Variants in CWC27 observed in about 807,000 individuals in gnomAD.
The protein encoded by CWC27 is spliceosome-associated protein CWC27 homolog.
A neutral mutation model predicts 63.6 loss-of-function variants in CWC27; 47 were observed. That is an observed-to-expected ratio of 0.74 (90% confidence interval 0.58 to 0.94). The LOEUF is 0.94. CWC27 is among the 40% of genes least tolerant of loss of function. The pLI, the probability that CWC27 is intolerant of heterozygous loss-of-function variation, is 0.00. For synonymous variants in CWC27, 175 were observed against 179.8 expected (o/e 0.97, Z 0.22); for missense variants, 495 against 554.3 (o/e 0.89, Z 1.07).
intron 11 of CWC27, among the ~76,000 whole-genome samples, chr5:64,930,569 G>A (rs780653066): frequency 1.4e-4 from 21 of 152,088 alleles, no homozygotes; most frequent in African/African-American, 7.2e-5. Context: ...GAAGAGAGTG[G>A]TGGAATTGGA....
At chr5:64,909,673 A>G (rs112905100) in intron 11 of CWC27, among the ~76,000 whole-genome samples, 1 of 151,878 alleles carries the variant, frequency 6.6e-6, no homozygotes, top group African/African-American at 2.4e-5. Flanking sequence ...TTCTCACTTT[A>G]TTTCATTAAT....
intron 10 of CWC27, among the ~76,000 whole-genome samples, chr5:64,873,300 T>C (rs1580693199): frequency 6.6e-6 from 1 of 152,268 alleles, no homozygotes; most frequent in Admixed American, 6.5e-5. Flanking sequence ...ATTAATAAAT[T>C]GAACAATAGT....
chr5:64,886,451 T>G (rs1235074328), intron 11 of CWC27, among the ~76,000 whole-genome samples: 1 of 152,146 alleles, frequency 6.6e-6, no homozygotes, highest in Non-Finnish European at 1.5e-5. Context: ...ATATATATTC[T>G]ATATTTTTAT....
chr5:64,841,916 G>T (rs1262434937), intron 10 of CWC27, among the ~76,000 whole-genome samples: 1 of 152,130 alleles, frequency 6.6e-6, no homozygotes. Flanking sequence ...CCAACCTCAG[G>T]TTATCCGCTC....
At chr5:64,850,331 T>C (rs565902532) in intron 10 of CWC27, among the ~76,000 whole-genome samples, 2 of 151,936 alleles carry the variant, frequency 1.3e-5, no homozygotes, top group Admixed American at 6.5e-5. Context: ...AAAACCTGCA[T>C]TGGGAAAAGG....
intron 10 of CWC27, among the ~76,000 whole-genome samples, chr5:64,805,059 T>C (rs1162909827): frequency 6.6e-6 from 1 of 152,088 alleles, no homozygotes; most frequent in Non-Finnish European, 1.5e-5. Flanking sequence ...CAATAGTATT[T>C]GTTTTCTTCA....
intron 11 of CWC27, among the ~76,000 whole-genome samples, chr5:64,954,650 C>A (rs965760964): frequency 6.8e-6 from 1 of 146,302 alleles, no homozygotes; most frequent in Admixed American, 6.8e-5. Context: ...ATAGAAAGCA[C>A]TATATATATA....
At chr5:64,835,315 A>G (rs766086580) in intron 10 of CWC27, among the ~76,000 whole-genome samples, 4 of 151,852 alleles carry the variant, frequency 2.6e-5, no homozygotes, top group African/African-American at 4.8e-5. Flanking sequence ...GTAAAAGTCC[A>G]AATCACATTT....
intron 10 of CWC27, among the ~76,000 whole-genome samples, chr5:64,856,327 A>C (rs1406436697): frequency 6.6e-6 from 1 of 152,032 alleles, no homozygotes; most frequent in Admixed American, 6.5e-5. Context: ...GTTAGGAGAA[A>C]TATTATACTG....
intron 10 of CWC27, among the ~76,000 whole-genome samples, chr5:64,868,789 G>A (rs1374667141): frequency 1.3e-5 from 2 of 151,840 alleles, no homozygotes; most frequent in East Asian, 1.9e-4. Context: ...TGTTTCCTCA[G>A]GTGTATTTTT....
chr5:64,972,418 A>C (rs1749142409), intron 12 of CWC27, among the ~76,000 whole-genome samples: 1 of 152,072 alleles, frequency 6.6e-6, no homozygotes, highest in African/African-American at 2.4e-5. Flanking sequence ...CAAATCTCTT[A>C]AGCAGCCCTT....
Position 64,800,764 on chromosome 5 carries a change from G to A in CWC27, c.749+437G>A, listed in dbSNP as rs142268860. On this transcript the variant is annotated intron_variant, in intron 8 of 13. Transcript: ENST00000381070. ...GACTATAAATTCTCACATACTTTGAGGAGTTAACAGAAAGTTGTCTTGCTA... is the reference window on the plus strand; with the variant it reads ...GACTATAAATTCTCACATACTTTGAAGAGTTAACAGAAAGTTGTCTTGCTA... Among the ~76,000 whole-genome samples, 77 of 152,222 alleles carry A rather than the reference G, an allele frequency of 5.1e-4. 1 individual carries two copies. The East Asian group carries it at 0.012, about 24-fold the overall frequency.
chr5:64,833,153 T>G (rs1460462584), intron 10 of CWC27, among the ~76,000 whole-genome samples: 1 of 151,802 alleles, frequency 6.6e-6, no homozygotes, highest in African/African-American at 2.4e-5. Context: ...AATTATTTTG[T>G]ATTATACACA....
In CWC27 at chr5:64,943,675, A is replaced by G. The variant is rs1748534784; in HGVS notation, c.1043-28028A>G. 1.3e-5 allele frequency among the ~76,000 whole-genome samples: 2 copies of G among 152,208 alleles called. 1 individual carries two copies. The highest frequency in any genetic ancestry group is 4.1e-4 in the South Asian group (2 of 4,824). ...CCCATGAACCTTACATTCTACCTAT[A>G]TTGCAAAGTTCCTAGCACATCGTAG... On this transcript the variant is annotated intron_variant, in intron 11 of 13. Coordinates refer to ENST00000381070, the MANE Select transcript of CWC27 (RefSeq NM_005869.4).
At chr5:64,801,427 A>G (rs1744482751) in intron 9 of CWC27, 95 bp downstream of exon 9, 2 of 1,017,062 alleles carry the variant, frequency 2.0e-6, no homozygotes, top group Admixed American at 4.0e-5. Flanking sequence ...AAAGTAACGT[A>G]TATTACTTTT....
intron 10 of CWC27, among the ~76,000 whole-genome samples, chr5:64,847,675 A>G (rs1005575025): frequency 1.3e-5 from 2 of 152,178 alleles, no homozygotes; most frequent in Non-Finnish European, 2.9e-5. Context: ...TATATTAAGT[A>G]TATTTTCTGA....
intron 10 of CWC27, among the ~76,000 whole-genome samples, chr5:64,856,373 A>G (rs1474114321): frequency 2.0e-5 from 3 of 152,000 alleles, no homozygotes; most frequent in African/African-American, 4.8e-5. Context: ...CAGTTTTATT[A>G]AATTCCCTGA....
intron 11 of CWC27, among the ~76,000 whole-genome samples, chr5:64,967,633 T>C (rs1157513008): frequency 1.3e-5 from 2 of 151,976 alleles, no homozygotes; most frequent in South Asian, 2.1e-4. Flanking sequence ...ATGTGGTCAA[T>C]TGATTTTCAA....
intron 13 of CWC27, among the ~76,000 whole-genome samples, chr5:65,004,905 TAC>T (rs1317560192): frequency 0.013 from 828 of 63,086 alleles, no homozygotes; most frequent in Non-Finnish European, 0.018. Context: ...TATATATATA[TAC>T]ATACACACAC....
Sources: gnomAD v4.1 joint callset for allele counts (sites outside exome capture counted in the v4.1 genomes callset) on GRCh38, gnomAD v4.1.1 for gene constraint, MANE v1.5 for transcripts, NCBI Gene and HGNC (gene_info 2026-07-23, HGNC 2026-07-21) for gene names.